The following THSD7A variants were observed in gnomAD, a reference collection of about 807,000 sequenced individuals.
THSD7A encodes the protein thrombospondin type-1 domain-containing protein 7A.
In THSD7A, 96 loss-of-function variants were observed where a neutral mutation model predicts 231.3. The observed-to-expected ratio is 0.41, with a 90% confidence interval of 0.35 to 0.49. The LOEUF (loss-of-function observed/expected upper bound fraction) is 0.49. Among genes scored for constraint, THSD7A ranks in the 20% least tolerant of loss-of-function variants. The pLI is 0.05. For synonymous variants in THSD7A, 940 were observed against 743.3 expected, an observed-to-expected ratio of 1.26 and a Z score of -4.30; for missense variants, 2,290 against 2,070.2, an observed-to-expected ratio of 1.11 and a Z score of -2.06.
At chr7:11,587,322 G>C (rs542216550) in intron 4 of THSD7A, among the ~76,000 whole-genome samples, 1 of 151,990 alleles carries the variant, frequency 6.6e-6, no homozygotes, top group Non-Finnish European at 1.5e-5. Context: ...AACTGTCAAG[G>C]GTTTTACTAC....
intron 6 of THSD7A, among the ~76,000 whole-genome samples, chr7:11,526,515 A>T (rs919351444): frequency 1.3e-5 from 2 of 152,200 alleles, no homozygotes; most frequent in African/African-American, 4.8e-5. Context: ...TGCATACTTA[A>T]TGGGCAGGGG....
At chr7:11,769,153 A>ATATATATATATATATTTT in intron 1 of THSD7A, among the ~76,000 whole-genome samples, 2 of 27,646 alleles carry the variant, frequency 7.2e-5, no homozygotes, top group African/African-American at 2.5e-4. Flanking sequence ...ATATATATAT[A>ATATATATATATATATTTT]TTTTTTTTTT....
intron 11 of THSD7A, among the ~76,000 whole-genome samples, chr7:11,451,546 T>C (rs1318865869): frequency 6.6e-6 from 1 of 152,016 alleles, no homozygotes; most frequent in Non-Finnish European, 1.5e-5. Context: ...CCCTCTACTT[T>C]TGTGTATCTT....
In THSD7A at chr7:11,541,623, G is replaced by A. The variant is rs550709136; in HGVS notation, c.1618C>T (p.Leu540=). 6.2e-7 allele frequency: 1 copy of A among 1,613,702 alleles called. No individual in the cohort carries two copies. The highest frequency in any genetic ancestry group is 1.3e-5 in the African/African-American group (1 of 75,028). Residue 540 remains leucine, a synonymous_variant, in exon 6 of 28, where the codon CTG becomes TTG. Transcript: ENST00000423059. ...TCATTGGTAATGCGCCGCTTCCTCAGTTTGAAGCCTGAATTATGGGGGAAG... is the reference window on the plus strand; with the variant it reads ...TCATTGGTAATGCGCCGCTTCCTCAATTTGAAGCCTGAATTATGGGGGAAG... ...NDQQGKKGFK[L]RKRRITNEPT... is the part of the protein sequence containing the mutation.
At chr7:11,701,042 G>A (rs970030016) in intron 1 of THSD7A, among the ~76,000 whole-genome samples, 8 of 150,818 alleles carry the variant, frequency 5.3e-5, no homozygotes, top group East Asian at 2.0e-4. Flanking sequence ...TTGTAATTCC[G>A]ACTACTTTTA....
At chr7:11,407,886 C>T (rs889235154) in intron 19 of THSD7A, among the ~76,000 whole-genome samples, 3 of 151,946 alleles carry the variant, frequency 2.0e-5, no homozygotes, top group Non-Finnish European at 2.9e-5. Flanking sequence ...AATTCATACT[C>T]AAAACTAATG....
At chr7:11,564,553 T>C (rs1790222563) in intron 4 of THSD7A, among the ~76,000 whole-genome samples, 1 of 152,220 alleles carries the variant, frequency 6.6e-6, no homozygotes, top group South Asian at 2.1e-4. Flanking sequence ...GGGTTGCTGC[T>C]TTGCCTTGGT....
At chr7:11,435,390 G>T (rs1784601742) in intron 13 of THSD7A, among the ~76,000 whole-genome samples, 1 of 152,034 alleles carries the variant, frequency 6.6e-6, no homozygotes, top group Non-Finnish European at 1.5e-5. Flanking sequence ...CTCAGGAAGG[G>T]GCTGGTCACA....
At chr7:11,828,328 C>T (rs190785313) in intron 1 of THSD7A, among the ~76,000 whole-genome samples, 1 of 152,166 alleles carries the variant, frequency 6.6e-6, no homozygotes, top group Non-Finnish European at 1.5e-5. Context: ...AGCTGCTGTG[C>T]CTTTTCACTT....
rs1029776749 is a variant in THSD7A, at chr7:11,632,064, A to G, written c.1022+4066T>C. ...GTGGCTGTGCCTAATCTGTTTGTAT[A>G]AATATAATTTATTATATTACTTGTT... On this transcript the variant is annotated intron_variant, in intron 2 of 27. Transcript: ENST00000423059. This position sits in a 1 kb window ranked among gnomAD's most constrained non-coding sequence, Gnocchi z 4.1. Among the ~76,000 whole-genome samples, 1 of 152,172 alleles carries G rather than the reference A, an allele frequency of 6.6e-6. No individual in the cohort carries two copies. Among genetic ancestry groups the G allele is most frequent in the Non-Finnish European group, 1.5e-5 (1 of 68,034 alleles).
chr7:11,506,083 T>C (rs1269794166), intron 6 of THSD7A, among the ~76,000 whole-genome samples: 1 of 152,116 alleles, frequency 6.6e-6, no homozygotes, highest in Admixed American at 6.5e-5. Context: ...CCTCAGTACA[T>C]GCAGATAATT....
At chr7:11,780,862 G>A (rs1350225432) in intron 1 of THSD7A, among the ~76,000 whole-genome samples, 1 of 151,038 alleles carries the variant, frequency 6.6e-6, no homozygotes, top group East Asian at 2.0e-4. Flanking sequence ...GCGGTGGCGG[G>A]CGCCTGTAGT....
chr7:11,798,588 TATTA>T (rs1784192692), intron 1 of THSD7A, among the ~76,000 whole-genome samples: 2 of 152,116 alleles, frequency 1.3e-5, no homozygotes, highest in Non-Finnish European at 2.9e-5. Context: ...CCTGTGTCAC[TATTA>T]TTTAGGTGAT....
intron 2 of THSD7A, among the ~76,000 whole-genome samples, chr7:11,613,491 G>A (rs1424930808): frequency 6.6e-6 from 1 of 152,134 alleles, no homozygotes; most frequent in African/African-American, 2.4e-5. Context: ...GTTGTGCAGA[G>A]TCATATCTTT....
chr7:11,440,034 G>T (rs574773588), intron 13 of THSD7A, among the ~76,000 whole-genome samples: 7 of 151,912 alleles, frequency 4.6e-5, no homozygotes, highest in Non-Finnish European at 8.8e-5. Context: ...TTTGTTAGGG[G>T]TTAATGCAGT....
chr7:11,719,643 C>T (rs1781277351), intron 1 of THSD7A, among the ~76,000 whole-genome samples: 1 of 151,630 alleles, frequency 6.6e-6, no homozygotes. Flanking sequence ...TCCTCCTCAA[C>T]TCCACTCCAG....
rs533937839 is a variant in THSD7A at position 11,513,019 on chromosome 7, G to A, written c.1822+28400C>T. On this transcript the variant is annotated intron_variant, in intron 6 of 27. Transcript: ENST00000423059. ...TAACAGCATTTGCCATGACCTGGAT[G>A]AGATTGGAGACTATTATTCTGAGTG... Among the ~76,000 whole-genome samples, 3 of 146,314 alleles carry A rather than the reference G, an allele frequency of 2.1e-5. No individual in the cohort carries two copies. In the South Asian group the frequency reaches 6.5e-4, roughly 31 times the overall value.
intron 23 of THSD7A, among the ~76,000 whole-genome samples, chr7:11,391,047 T>C (rs1391523531): frequency 1.3e-5 from 2 of 152,126 alleles, no homozygotes; most frequent in Non-Finnish European, 2.9e-5. Flanking sequence ...TACTGGGAGG[T>C]GTCTCCCAGT....
intron 1 of THSD7A, among the ~76,000 whole-genome samples, chr7:11,786,059 T>A (rs1783781530): frequency 1.3e-5 from 2 of 151,278 alleles, no homozygotes; most frequent in Admixed American, 1.3e-4. Flanking sequence ...TATAAAATAA[T>A]AATTTGTTTT....
Sources: allele counts gnomAD v4.1 joint callset (sites outside exome capture counted in the v4.1 genomes callset), GRCh38; gene constraint gnomAD v4.1.1; non-coding constraint Gnocchi (gnomAD v3.1); transcripts MANE v1.5; gene names NCBI Gene and HGNC (gene_info 2026-07-23, HGNC 2026-07-21).